CREB5: variants seen among roughly 807,000 people sequenced by gnomAD.
The protein encoded by CREB5 is cyclic AMP-responsive element-binding protein 5.
CREB5 carries 19 observed loss-of-function variants against 57.1 expected under a neutral mutation model. That is an observed-to-expected ratio of 0.33 (90% CI 0.23 to 0.49). The LOEUF is 0.49. Among genes scored for constraint, CREB5 ranks in the 20% least tolerant of loss-of-function variants. The pLI is 0.99. For missense variants in CREB5, 579 were observed against 671.6 expected, an observed-to-expected ratio of 0.86 and a Z score of 1.52; for synonymous variants, 238 against 238.3, an observed-to-expected ratio of 1.00 and a Z score of 0.01.
At chr7:28,568,472 G>T (rs974550907) in intron 4 of CREB5, among the ~76,000 whole-genome samples, 8 of 152,078 alleles carry the variant, frequency 5.3e-5, no homozygotes, top group Non-Finnish European at 1.0e-4. Context: ...AGTTTCAAAA[G>T]AAATAACACA....
chr7:28,809,605 A>G (rs1253386511), intron 9 of CREB5, among the ~76,000 whole-genome samples, 191 bp downstream of exon 9: 1 of 152,176 alleles, frequency 6.6e-6, no homozygotes, highest in Non-Finnish European at 1.5e-5. Context: ...TTCAGTTTTC[A>G]ATCAATTTGC....
chr7:28,640,579 G>C (rs568799891), intron 5 of CREB5, among the ~76,000 whole-genome samples: 1 of 152,168 alleles, frequency 6.6e-6, no homozygotes, highest in African/African-American at 2.4e-5. Context: ...ATTTTATGGC[G>C]ATCACAAGAA....
chr7:28,511,964 G>T (rs999978428), intron 4 of CREB5, among the ~76,000 whole-genome samples: 3 of 152,170 alleles, frequency 2.0e-5, no homozygotes, highest in African/African-American at 7.2e-5. Flanking sequence ...GGAGATGGAG[G>T]CAGTGGATAG....
At chr7:28,651,660 G>A (rs1251171011) in intron 5 of CREB5, among the ~76,000 whole-genome samples, 1 of 152,142 alleles carries the variant, frequency 6.6e-6, no homozygotes, top group Non-Finnish European at 1.5e-5. Flanking sequence ...CCGGGCACTT[G>A]ATACCAACAT....
At chr7:28,329,460 A>G (rs1400063213) in intron 1 of CREB5, among the ~76,000 whole-genome samples, 1 of 152,250 alleles carries the variant, frequency 6.6e-6, no homozygotes, top group Non-Finnish European at 1.5e-5. Flanking sequence ...AGGCTGGCTC[A>G]GTGCCCAAGG....
chr7:28,605,199 C>T (rs1340195809), intron 5 of CREB5, among the ~76,000 whole-genome samples: 1 of 152,100 alleles, frequency 6.6e-6, no homozygotes, highest in African/African-American at 2.4e-5. Context: ...CTGGTTCTGA[C>T]AAGAAAAAGA....
At chr7:28,328,769 C>T (rs992596223) in intron 1 of CREB5, among the ~76,000 whole-genome samples, 2 of 152,136 alleles carry the variant, frequency 1.3e-5, no homozygotes, top group Non-Finnish European at 2.9e-5. Flanking sequence ...GATTAGTGTG[C>T]TTAGGATGGG....
Position 28,804,327 on chromosome 7 carries a change from C to T in CREB5, c.831C>T (p.His277=). ...CGCCACACCATCACATGCACTCGCA[C>T]CCGCATCAGCACCAGACACTGCCAC... The part of the protein sequence containing the change: ...DQTPHHHMHS[H]PHQHQTLPPH... Residue 277 remains histidine, a synonymous_variant, in exon 8 of 11, where the codon CAC becomes CAT. Transcript: ENST00000357727. 1 of 1,613,928 alleles carries T rather than the reference C, an allele frequency of 6.2e-7. No individual in the cohort carries two copies. The highest frequency in any genetic ancestry group is 8.5e-7 in the Non-Finnish European group (1 of 1,179,916).
intron 4 of CREB5, among the ~76,000 whole-genome samples, chr7:28,529,403 C>T (rs558378462): frequency 2.0e-5 from 3 of 152,110 alleles, no homozygotes; most frequent in East Asian, 1.9e-4. Flanking sequence ...AGGAGTGAGA[C>T]GAGAGAAAGA....
intron 1 of CREB5, among the ~76,000 whole-genome samples, chr7:28,442,113 T>A (rs1240568664): frequency 6.6e-6 from 1 of 152,118 alleles, no homozygotes; most frequent in Non-Finnish European, 1.5e-5. Flanking sequence ...CCTCTAATAC[T>A]CACAATTCTA....
chr7:28,523,624 A>G (rs1793304309), intron 4 of CREB5, among the ~76,000 whole-genome samples: 1 of 152,138 alleles, frequency 6.6e-6, no homozygotes, highest in Non-Finnish European at 1.5e-5. Flanking sequence ...TTTGTCTCTC[A>G]TGTCTTTTCT....
chr7:28,336,580 C>T (rs1583686339), intron 1 of CREB5, among the ~76,000 whole-genome samples: 1 of 151,770 alleles, frequency 6.6e-6, no homozygotes, highest in South Asian at 2.1e-4. Flanking sequence ...TTTGGGTCTT[C>T]TTTCTTTTTT....
intron 1 of CREB5, among the ~76,000 whole-genome samples, chr7:28,326,862 G>C (rs1225714028): frequency 6.6e-6 from 1 of 152,150 alleles, no homozygotes; most frequent in African/African-American, 2.4e-5. Flanking sequence ...CTGTATTTAG[G>C]CTGGGTGCGG....
chr7:28,709,982 C>T (rs1424833258), intron 5 of CREB5, among the ~76,000 whole-genome samples: 1 of 152,148 alleles, frequency 6.6e-6, no homozygotes, highest in Non-Finnish European at 1.5e-5. Flanking sequence ...GGCAGGCATC[C>T]AATTTTTAAA....
intron 9 of CREB5, among the ~76,000 whole-genome samples, chr7:28,817,543 A>G (rs946325429): frequency 5.3e-5 from 8 of 152,196 alleles, no homozygotes; most frequent in Admixed American, 2.0e-4. Context: ...ATTCTGCCCA[A>G]TGTGCGCCTC....
intron 10 of CREB5, 179 bp from the exon 11 acceptor site, chr7:28,818,937 G>A: frequency 1.5e-6 from 1 of 672,172 alleles, no homozygotes; most frequent in East Asian, 2.8e-5. Context: ...GAAAGGCATA[G>A]CATTGTGACA....
chr7:28,488,497 T>A (rs573533261), intron 2 of CREB5, among the ~76,000 whole-genome samples: 22 of 152,296 alleles, frequency 1.4e-4, no homozygotes, highest in Admixed American at 5.2e-4. Flanking sequence ...GCCCTTTACT[T>A]CCTCCTGGAA....
At chr7:28,691,370 A>G (rs1205910509) in intron 5 of CREB5, among the ~76,000 whole-genome samples, 2 of 144,056 alleles carry the variant, frequency 1.4e-5, no homozygotes, top group Non-Finnish European at 3.0e-5. Flanking sequence ...CATTGAGTAG[A>G]GATTGTGCCA....
intron 4 of CREB5, among the ~76,000 whole-genome samples, chr7:28,518,531 A>G (rs557509349): frequency 6.6e-6 from 1 of 152,318 alleles, no homozygotes; most frequent in African/African-American, 2.4e-5. Context: ...TGGCCCAGGC[A>G]TTCCTGTCCA....
Sources: gnomAD v4.1 joint callset for allele counts (sites outside exome capture counted in the v4.1 genomes callset) on GRCh38, gnomAD v4.1.1 for gene constraint, MANE v1.5 for transcripts, NCBI Gene and HGNC (gene_info 2026-07-23, HGNC 2026-07-21) for gene names.